MOGAT1: variants seen among roughly 807,000 people sequenced by gnomAD.
The protein encoded by MOGAT1 is monoacylglycerol O-acyltransferase 1.
MOGAT1 carries 32 observed loss-of-function variants against 31.4 expected under a neutral mutation model. That is an observed-to-expected ratio of 1.02 (90% CI 0.77 to 1.37). The LOEUF (loss-of-function observed/expected upper bound fraction) is 1.37. Ranked by LOEUF, MOGAT1 falls within the 40% of genes most tolerant of loss-of-function variation. The pLI, the probability that MOGAT1 is intolerant of heterozygous loss-of-function variation, is 0.00. For synonymous variants in MOGAT1, 145 were observed against 144.5 expected (o/e 1.00, Z -0.03); for missense variants, 426 against 402.0 (o/e 1.06, Z -0.51).
In MOGAT1 at chr2:222,687,084, A is replaced by G. The variant is rs1011209857; in HGVS notation, c.95-1260A>G. Among the ~76,000 whole-genome samples, 4 of 130,970 alleles carry G rather than the reference A, an allele frequency of 3.1e-5. No homozygotes were observed. The East Asian group carries it at 1.0e-3, about 34-fold the overall frequency. 85.9% of individuals were successfully genotyped at this position (130,970 alleles called of 152,430 possible). On this transcript the variant is annotated intron_variant, in intron 1 of 5. Coordinates refer to ENST00000446656, the MANE Select transcript of MOGAT1 (RefSeq NM_058165.3). ...AGCCAAGATTGCACCCATGCACTCTAGTGTGGGCAACAGAGTGAGACTCCA... is the reference window on the plus strand; with the variant it reads ...AGCCAAGATTGCACCCATGCACTCTGGTGTGGGCAACAGAGTGAGACTCCA...
rs747805918 is a variant in MOGAT1 at position 222,694,528 on chromosome 2, G to A, written c.645G>A (p.Leu215=). The part of the protein sequence containing the change: ...RQRKGFVKIA[L]THGASLVPVV... ...GGAAAGGATTTGTTAAAATTGCTTTGACCCATGGGTAAGTGGCTTTTTGTA... is the reference window on the plus strand; with the variant it reads ...GGAAAGGATTTGTTAAAATTGCTTTAACCCATGGGTAAGTGGCTTTTTGTA... Residue 215 remains leucine, a synonymous_variant, in exon 4 of 6, where the codon TTG becomes TTA. Transcript: ENST00000446656. 3 of 1,613,058 alleles carry A rather than the reference G, an allele frequency of 1.9e-6. No homozygotes were observed. The African/African-American group carries it at 4.0e-5, about 22-fold the overall frequency.
chr2:222,674,860 G>A (rs1692472315), intron 1 of MOGAT1, among the ~76,000 whole-genome samples: 1 of 151,900 alleles, frequency 6.6e-6, no homozygotes, highest in African/African-American at 2.4e-5. Context: ...TGGTAGAAAT[G>A]GGGCCTCCTT....
intron 1 of MOGAT1, among the ~76,000 whole-genome samples, chr2:222,681,829 AG>A: frequency 1.3e-5 from 2 of 152,314 alleles, no homozygotes; most frequent in Admixed American, 1.3e-4. Flanking sequence ...TAAGAACAAA[AG>A]ATGGAAAGAT....
At chr2:222,680,160 G>A (rs994782241) in intron 1 of MOGAT1, among the ~76,000 whole-genome samples, 5 of 152,092 alleles carry the variant, frequency 3.3e-5, no homozygotes, top group Non-Finnish European at 2.9e-5. Context: ...CCTTCAATCT[G>A]GAAAATTTGG....
chr2:222,694,678 G>C (rs1692815729), intron 4 of MOGAT1, 142 bp downstream of exon 4: 1 of 795,524 alleles, frequency 1.3e-6, no homozygotes, highest in Non-Finnish European at 2.0e-6. Flanking sequence ...GGATGTTCTT[G>C]GGGAATGGAA....
chr2:222,697,724 C>G (rs1055844569), intron 5 of MOGAT1, among the ~76,000 whole-genome samples: 5 of 151,952 alleles, frequency 3.3e-5, no homozygotes, highest in African/African-American at 4.8e-5. Context: ...CAGGCATGCA[C>G]CACCACACTC....
intron 3 of MOGAT1, among the ~76,000 whole-genome samples, chr2:222,692,155 G>A (rs1042684382): frequency 5.3e-5 from 8 of 152,228 alleles, no homozygotes; most frequent in African/African-American, 1.4e-4. Flanking sequence ...TTACAGGCAG[G>A]TAGGCCTGGA....
chr2:222,682,615 T>TAGTA (rs1481451883), intron 1 of MOGAT1, among the ~76,000 whole-genome samples: 1 of 152,174 alleles, frequency 6.6e-6, no homozygotes, highest in Admixed American at 6.5e-5. Flanking sequence ...TTCAAACATG[T>TAGTA]AGTAAGGTTC....
At chr2:222,705,033 G>C (rs1174040050) in intron 5 of MOGAT1, among the ~76,000 whole-genome samples, 2 of 152,206 alleles carry the variant, frequency 1.3e-5, no homozygotes, top group African/African-American at 4.8e-5. Flanking sequence ...TCCGTAAACA[G>C]AGCATGGTTA....
intron 5 of MOGAT1, among the ~76,000 whole-genome samples, chr2:222,703,778 T>C (rs1207075536): frequency 6.6e-6 from 1 of 152,212 alleles, no homozygotes; most frequent in East Asian, 1.9e-4. Context: ...ATGAGACTAT[T>C]AGAACAATCA....
At chr2:222,698,046 A>G (rs771921396) in intron 5 of MOGAT1, among the ~76,000 whole-genome samples, 3 of 152,212 alleles carry the variant, frequency 2.0e-5, no homozygotes, top group Non-Finnish European at 2.9e-5. Context: ...TGTTTATAAG[A>G]CATTGAGATT....
intron 1 of MOGAT1, among the ~76,000 whole-genome samples, chr2:222,676,715 G>A (rs1692503530): frequency 6.6e-6 from 1 of 152,190 alleles, no homozygotes; most frequent in Non-Finnish European, 1.5e-5. Flanking sequence ...CAGGGCATGA[G>A]AGCTCTAATT....
At chr2:222,673,890 T>C (rs1191291259) in intron 1 of MOGAT1, among the ~76,000 whole-genome samples, 1 of 151,916 alleles carries the variant, frequency 6.6e-6, no homozygotes, top group African/African-American at 2.4e-5. Context: ...ACACGAATAC[T>C]TGAGATATAC....
chr2:222,693,556 C>T (rs1418661138), intron 3 of MOGAT1, among the ~76,000 whole-genome samples: 1 of 149,758 alleles, frequency 6.7e-6, no homozygotes, highest in Non-Finnish European at 1.5e-5. Flanking sequence ...ACTTACAGTT[C>T]TACATGGCTG....
chr2:222,704,969 C>T (rs1692984294), intron 5 of MOGAT1, among the ~76,000 whole-genome samples: 2 of 151,980 alleles, frequency 1.3e-5, no homozygotes, highest in Non-Finnish European at 2.9e-5. Flanking sequence ...CAGGGCAAGT[C>T]CATAAAATGA....
At chr2:222,671,975 C>CT (rs1559226182) in intron 1 of MOGAT1, 96 bp downstream of exon 1, 1 of 1,014,776 alleles carries the variant, frequency 9.9e-7, no homozygotes, top group Non-Finnish European at 1.5e-6. Context: ...TTCCAACCCT[C>CT]GTTCCCCTGT....
intron 3 of MOGAT1, 138 bp downstream of exon 3, chr2:222,689,607 G>A (rs762059805): frequency 2.3e-5 from 17 of 752,714 alleles, no homozygotes; most frequent in Non-Finnish European, 3.5e-5. Flanking sequence ...TTCCTATGGT[G>A]TCTGGGTGTT....
intron 5 of MOGAT1, among the ~76,000 whole-genome samples, chr2:222,707,261 AAG>A (rs903219615): frequency 5.3e-5 from 8 of 150,538 alleles, no homozygotes; most frequent in Admixed American, 4.0e-4. Context: ...AAGAGAAAGA[AAG>A]AGAGAGAGAA....
chr2:222,709,906 A>T lies in MOGAT1; in HGVS notation c.*16A>T. ...TTTAAAATGACTTGACTATAAAAAAAAATTAAAAAATAAAAATAAATGACT... is the reference window on the plus strand; with the variant it reads ...TTTAAAATGACTTGACTATAAAAAATAATTAAAAAATAAAAATAAATGACT... On this transcript the variant is annotated 3_prime_UTR_variant, in exon 6 of 6. Coordinates refer to ENST00000446656, the MANE Select transcript of MOGAT1 (RefSeq NM_058165.3). The T allele has an allele frequency of 6.5e-7, 1 of 1,541,248 alleles. No homozygotes were observed. The highest frequency in any genetic ancestry group is 8.7e-7 in the Non-Finnish European group (1 of 1,143,376).
Sources: gnomAD v4.1 joint callset for allele counts (sites outside exome capture counted in the v4.1 genomes callset) on GRCh38, gnomAD v4.1.1 for gene constraint, MANE v1.5 for transcripts, NCBI Gene and HGNC (gene_info 2026-07-23, HGNC 2026-07-21) for gene names.